Variants in PPP4R2 observed in about 807,000 individuals in gnomAD.
The protein encoded by PPP4R2 is serine/threonine-protein phosphatase 4 regulatory subunit 2.
A neutral mutation model predicts 47.2 loss-of-function variants in PPP4R2; 13 were observed. That is an observed-to-expected ratio of 0.28 (90% CI 0.18 to 0.44). PPP4R2 has a LOEUF of 0.44. Ranked by LOEUF, PPP4R2 falls within the 20% of genes least tolerant of loss-of-function variation. The probability of loss-of-function intolerance (pLI) is 1.00; values close to 1 mark genes in which losing one functional copy is unlikely to be tolerated. For missense variants in PPP4R2, 421 were observed against 491.2 expected, an observed-to-expected ratio of 0.86 and a Z score of 1.35; for synonymous variants, 151 against 163.3, an observed-to-expected ratio of 0.92 and a Z score of 0.57.
intron 4 of PPP4R2, 85 bp from the exon 5 acceptor site, chr3:73,060,938 C>A: frequency 2.3e-6 from 2 of 883,758 alleles, no homozygotes; most frequent in South Asian, 2.0e-5. Flanking sequence ...TTTAACCCAC[C>A]AGAGTGATTT....
At chr3:73,023,137 TTTAAA>T (rs1701993387) in intron 2 of PPP4R2, among the ~76,000 whole-genome samples, 5 of 152,134 alleles carry the variant, frequency 3.3e-5, no homozygotes, top group African/African-American at 9.6e-5. Flanking sequence ...ATACAAAAAC[TTTAAA>T]TTATGGAATC....
intron 2 of PPP4R2, among the ~76,000 whole-genome samples, chr3:73,003,762 G>A (rs551728618): frequency 2.1e-4 from 32 of 151,848 alleles, no homozygotes; most frequent in African/African-American, 6.3e-4. Context: ...GCAGTGGTGC[G>A]ATCTTGACTC....
chr3:73,047,394 G>T, intron 3 of PPP4R2, 38 bp downstream of exon 3: 1 of 1,360,002 alleles, frequency 7.4e-7, no homozygotes. Flanking sequence ...TTAATTTTTA[G>T]CAGAAGATGA....
chr3:73,065,215 A>T, intron 8 of PPP4R2, 74 bp downstream of exon 8: 1 of 1,438,518 alleles, frequency 7.0e-7, no homozygotes, highest in Non-Finnish European at 9.3e-7. Context: ...TTTTCGTGAA[A>T]GAATTTTACG....
chr3:73,065,187 A>G (rs752765733), intron 8 of PPP4R2, 46 bp downstream of exon 8: 15 of 1,516,070 alleles, frequency 9.9e-6, no homozygotes, highest in African/African-American at 2.8e-5. Context: ...GAGATCCTCA[A>G]ATTCTTGTAC....
intron 2 of PPP4R2, among the ~76,000 whole-genome samples, chr3:73,044,512 G>A (rs1423853638): frequency 1.3e-5 from 2 of 152,158 alleles, no homozygotes; most frequent in Non-Finnish European, 2.9e-5. Context: ...CTTGAACCCA[G>A]GAGGCAGAGG....
intron 2 of PPP4R2, among the ~76,000 whole-genome samples, chr3:73,034,339 T>G (rs771689175): frequency 6.6e-6 from 1 of 152,170 alleles, no homozygotes; most frequent in Non-Finnish European, 1.5e-5. Context: ...TCTATAGTTT[T>G]TGTGTGTGTA....
At chr3:73,058,891 C>T in intron 3 of PPP4R2, 146 bp from the exon 4 acceptor site, 2 of 332,054 alleles carry the variant, frequency 6.0e-6, no homozygotes, top group Admixed American at 5.6e-5. Flanking sequence ...TTAAATGACT[C>T]ATCCATTTAT....
At chr3:73,052,178 A>G (rs890887443) in intron 3 of PPP4R2, among the ~76,000 whole-genome samples, 6 of 151,568 alleles carry the variant, frequency 4.0e-5, no homozygotes, top group African/African-American at 9.7e-5. Flanking sequence ...GAATAAAAGT[A>G]TATTTATATC....
intron 2 of PPP4R2, among the ~76,000 whole-genome samples, chr3:73,040,074 AG>A (rs1702345525): frequency 6.6e-6 from 1 of 152,162 alleles, no homozygotes; most frequent in Non-Finnish European, 1.5e-5. Context: ...AGAAAATGTC[AG>A]TAGTGCCAAA....
At chr3:73,036,621 T>A (rs1392102976) in intron 2 of PPP4R2, among the ~76,000 whole-genome samples, 1 of 152,244 alleles carries the variant, frequency 6.6e-6, no homozygotes, top group East Asian at 1.9e-4. Context: ...TCATTTTCCA[T>A]GTATTCAGTC....
At chr3:73,017,289 G>A (rs1023772572) in intron 2 of PPP4R2, among the ~76,000 whole-genome samples, 1 of 152,154 alleles carries the variant, frequency 6.6e-6, no homozygotes, top group Non-Finnish European at 1.5e-5. Context: ...GTAGCCTCAT[G>A]GCTTCATTAA....
chr3:73,037,246 A>G (rs986063998), intron 2 of PPP4R2, among the ~76,000 whole-genome samples: 1 of 152,170 alleles, frequency 6.6e-6, no homozygotes. Flanking sequence ...GCTAATGAGT[A>G]TATTTTTTTA....
chr3:72,997,942 A>G, intron 1 of PPP4R2, 135 bp from the exon 2 acceptor site: 1 of 672,984 alleles, frequency 1.5e-6, no homozygotes, highest in Non-Finnish European at 2.6e-6. Context: ...TTGAGGTGGT[A>G]ATTTGGTTGA....
intron 5 of PPP4R2, chr3:73,062,231 T>C (rs1256569267): frequency 1.3e-6 from 2 of 1,597,562 alleles, no homozygotes; most frequent in Non-Finnish European, 8.5e-7. Context: ...CAATGTCTCA[T>C]CTAAGAAAGG....
At chr3:73,058,993 T>G in intron 3 of PPP4R2, 44 bp from the exon 4 acceptor site, 1 of 1,159,042 alleles carries the variant, frequency 8.6e-7, no homozygotes, top group Non-Finnish European at 1.3e-6. Flanking sequence ...CTCGTTTTCT[T>G]GATTATCAGT....
intron 2 of PPP4R2, among the ~76,000 whole-genome samples, chr3:73,041,580 C>T (rs117111081): frequency 6.6e-6 from 1 of 152,196 alleles, no homozygotes; most frequent in Non-Finnish European, 1.5e-5. Flanking sequence ...TTTATTTATT[C>T]ATTCTTCTCA....
intron 2 of PPP4R2, among the ~76,000 whole-genome samples, chr3:73,031,009 A>G (rs1702155742): frequency 1.3e-5 from 2 of 152,000 alleles, no homozygotes; most frequent in South Asian, 4.2e-4. Context: ...GCCAGATTAT[A>G]ATTTTTACAG....
intron 5 of PPP4R2, chr3:73,062,051 GA>G (rs1427508226): frequency 4.7e-5 from 68 of 1,457,814 alleles, no homozygotes; most frequent in Non-Finnish European, 6.0e-5. Context: ...AAATGGTAAA[GA>G]AGTGCAGAGT....
Sources: gnomAD v4.1 joint callset for allele counts (sites outside exome capture counted in the v4.1 genomes callset) on GRCh38, gnomAD v4.1.1 for gene constraint, MANE v1.5 for transcripts, NCBI Gene and HGNC (gene_info 2026-07-23, HGNC 2026-07-21) for gene names.